Variants in NCOA7 observed in about 807,000 individuals in gnomAD.
NCOA7 encodes nuclear receptor coactivator 7, also known as 140 kDa estrogen receptor-associated protein.
Under a neutral mutation model 104.3 loss-of-function variants are expected in NCOA7, and 45 were observed. That is an observed-to-expected ratio of 0.43 (90% CI 0.34 to 0.55). The LOEUF (loss-of-function observed/expected upper bound fraction) is 0.55. Among genes scored for constraint, NCOA7 ranks in the 20% least tolerant of loss-of-function variants. The probability of loss-of-function intolerance (pLI) is 0.02; values close to 1 mark genes in which losing one functional copy is unlikely to be tolerated. For missense variants in NCOA7, 1,041 were observed against 1,119.7 expected (o/e 0.93, Z 1.00); for synonymous variants, 398 against 402.3 (o/e 0.99, Z 0.13).
At chr6:125,873,377 T>A (rs1783090801) in intron 3 of NCOA7, among the ~76,000 whole-genome samples, 1 of 152,248 alleles carries the variant, frequency 6.6e-6, no homozygotes, top group African/African-American at 2.4e-5. Flanking sequence ...TGAAAATTAT[T>A]TATGTGTTTT....
At chr6:125,862,729 T>C (rs1180648578) in intron 3 of NCOA7, among the ~76,000 whole-genome samples, 2 of 138,666 alleles carry the variant, frequency 1.4e-5, no homozygotes, top group African/African-American at 6.0e-5. Context: ...TGTGGCTAGG[T>C]GTGGTGGTTC....
intron 10 of NCOA7, among the ~76,000 whole-genome samples, chr6:125,896,854 T>C (rs1172882543): frequency 6.6e-6 from 1 of 152,248 alleles, no homozygotes; most frequent in Non-Finnish European, 1.5e-5. Context: ...CATTTATTTG[T>C]TAAAAAGTAT....
At chr6:125,882,045 G>A (rs1003512979) in intron 6 of NCOA7, among the ~76,000 whole-genome samples, 8 of 152,080 alleles carry the variant, frequency 5.3e-5, no homozygotes, top group Non-Finnish European at 7.4e-5. Context: ...CTGGAGACAG[G>A]GTTTCACCAT....
chr6:125,811,647 A>G (rs376437521), intron 1 of NCOA7, among the ~76,000 whole-genome samples: 2 of 152,156 alleles, frequency 1.3e-5, no homozygotes, highest in South Asian at 2.1e-4. Flanking sequence ...GGTTCAAACC[A>G]CAGTGTGAAA....
At chr6:125,827,571 A>T (rs1475636351) in intron 2 of NCOA7, among the ~76,000 whole-genome samples, 1 of 152,150 alleles carries the variant, frequency 6.6e-6, no homozygotes, top group African/African-American at 2.4e-5. Flanking sequence ...ACCTTTGGAG[A>T]AAATGACATT....
chr6:125,822,973 A>C (rs904152661), intron 2 of NCOA7, among the ~76,000 whole-genome samples: 7 of 140,694 alleles, frequency 5.0e-5, no homozygotes, highest in Non-Finnish European at 1.1e-4. Flanking sequence ...ACATGCTGTT[A>C]GCATCATAAT....
rs200016372 is a variant in NCOA7 at position 125,889,202 on chromosome 6, G to A, written c.1148G>A (p.Gly383Asp). The part of the protein sequence containing the change: ...KLDSSRETSH[G>D]SPTVTKLSKE... ...GACTCCTCTAGGGAGACATCCCATGGTTCTCCCACAGTGACTAAGCTCAGC... is the reference window on the plus strand; with the variant it reads ...GACTCCTCTAGGGAGACATCCCATGATTCTCCCACAGTGACTAAGCTCAGC... The change falls in exon 9 of 16, where the codon GGT becomes GAT. Residue 383 changes from glycine to aspartate, a missense_variant. This residue lies in a region of NCOA7 where 914 missense variants were observed against 942.7 expected (regional missense o/e 0.97). Coordinates refer to ENST00000392477, the MANE Select transcript of NCOA7 (RefSeq NM_181782.5). 26 of 1,613,948 alleles carry A rather than the reference G, an allele frequency of 1.6e-5. No individual in the cohort carries two copies. The African/African-American group carries it at 2.9e-4, about 18-fold the overall frequency.
intron 11 of NCOA7, 131 bp downstream of exon 11, chr6:125,915,611 A>G (rs1170079764): frequency 1.8e-6 from 2 of 1,117,230 alleles, no homozygotes; most frequent in African/African-American, 3.1e-5. Flanking sequence ...AGAGGAAAAT[A>G]ACTTTATTCC....
At chr6:125,921,676 C>G (rs1787600626) in intron 12 of NCOA7, among the ~76,000 whole-genome samples, 1 of 152,066 alleles carries the variant, frequency 6.6e-6, no homozygotes, top group Non-Finnish European at 1.5e-5. Flanking sequence ...TCCTAATATG[C>G]TTTAAAAAGG....
rs1782203558 is a variant in NCOA7, at chr6:125,863,347, G to C, written c.271+8107G>C. ...GTACAGTCACTATACAAAAGCAACT[G>C]TATCTTAACAAGCCTGTTGTACTGT... On this transcript the variant is annotated intron_variant, in intron 3 of 15. Transcript: ENST00000392477. Among the ~76,000 whole-genome samples, 2 of 138,520 alleles carry C rather than the reference G, an allele frequency of 1.4e-5. 1 individual carries two copies. Among genetic ancestry groups the C allele is most frequent in the African/African-American group, 6.0e-5 (2 of 33,360 alleles). 90.9% of individuals were successfully genotyped at this position (138,520 alleles called of 152,430 possible).
At chr6:125,789,655 A>T (rs1774650419), upstream of NCOA7, among the ~76,000 whole-genome samples, 1 of 152,244 alleles carries the variant, frequency 6.6e-6, no homozygotes, top group Non-Finnish European at 1.5e-5. Context: ...GTCTAAATTA[A>T]TACGTGCTTA....
chr6:125,790,100 A>AT (rs1170337426), upstream of NCOA7, among the ~76,000 whole-genome samples: 1 of 152,150 alleles, frequency 6.6e-6, no homozygotes, highest in Non-Finnish European at 1.5e-5. Flanking sequence ...CTATGTTCTT[A>AT]TTGCTGTAAT....
chr6:125,911,842 G>A (rs369550580), intron 10 of NCOA7, among the ~76,000 whole-genome samples: 3 of 152,184 alleles, frequency 2.0e-5, no homozygotes, highest in Non-Finnish European at 4.4e-5. Flanking sequence ...TTCCATGGTC[G>A]TACACATCTT....
At chr6:125,797,949 A>G (rs1466777593) in intron 1 of NCOA7, 1 of 152,248 alleles carries the variant, frequency 6.6e-6, no homozygotes, top group Non-Finnish European at 1.5e-5. Context: ...GGAATAGAAT[A>G]TTCACAAAAC....
At chr6:125,910,333 A>G (rs1274879570) in intron 10 of NCOA7, among the ~76,000 whole-genome samples, 1 of 152,212 alleles carries the variant, frequency 6.6e-6, no homozygotes, top group Non-Finnish European at 1.5e-5. Flanking sequence ...ACTTATGCCC[A>G]TACATTTTAT....
upstream of NCOA7, among the ~76,000 whole-genome samples, chr6:125,789,177 A>C (rs1334882193): frequency 6.6e-6 from 1 of 152,198 alleles, no homozygotes; most frequent in Non-Finnish European, 1.5e-5. Context: ...GTTTGGGAAA[A>C]TATCATAAAT....
intron 2 of NCOA7, among the ~76,000 whole-genome samples, chr6:125,847,369 A>G (rs1254401242): frequency 1.3e-5 from 2 of 152,254 alleles, no homozygotes; most frequent in Non-Finnish European, 2.9e-5. Context: ...TTACAAGTGA[A>G]TAATTTTAAG....
At chr6:125,885,031 A>T in intron 7 of NCOA7, 128 bp from the exon 8 acceptor site, 1 of 883,622 alleles carries the variant, frequency 1.1e-6, no homozygotes, top group Non-Finnish European at 1.8e-6. Context: ...AAGGGGATGT[A>T]ATTGTCACAT....
At chr6:125,832,175 A>G (rs1054940185) in intron 2 of NCOA7, among the ~76,000 whole-genome samples, 3 of 152,198 alleles carry the variant, frequency 2.0e-5, no homozygotes, top group African/African-American at 7.2e-5. Flanking sequence ...ATTAATCCAA[A>G]TCTACAAAAT....
Sources: gnomAD v4.1 joint callset for allele counts (sites outside exome capture counted in the v4.1 genomes callset) on GRCh38, gnomAD v4.1.1 for gene constraint, gnomAD v4.1.1 regional missense constraint, MANE v1.5 for transcripts, NCBI Gene and HGNC (gene_info 2026-07-23, HGNC 2026-07-21) for gene names.